Variants in DISC1 observed in about 807,000 individuals in gnomAD.
The protein encoded by DISC1 is disrupted in schizophrenia 1 protein.
A neutral mutation model predicts 84.5 loss-of-function variants in DISC1; 57 were observed. The ratio of observed to expected loss-of-function variants is 0.67; its 90% CI spans 0.55 to 0.84. The LOEUF (loss-of-function observed/expected upper bound fraction) is 0.84, where lower values mean the gene tolerates loss of function less well. Among genes scored for constraint, DISC1 ranks in the 40% least tolerant of loss-of-function variants. DISC1 has a pLI of 0.00. For missense variants in DISC1, 1,000 were observed against 1,057.8 expected (o/e 0.95, Z 0.76); for synonymous variants, 411 against 415.2 (o/e 0.99, Z 0.12).
chr1:231,937,852 A>G (rs1176460906), intron 9 of DISC1, among the ~76,000 whole-genome samples: 1 of 142,304 alleles, frequency 7.0e-6, no homozygotes, highest in Non-Finnish European at 1.5e-5. Context: ...ATCACAACTA[A>G]TCTTTTTTTT....
intron 9 of DISC1, among the ~76,000 whole-genome samples, chr1:231,855,967 G>A (rs1380493303): frequency 2.6e-5 from 4 of 152,362 alleles, no homozygotes; most frequent in South Asian, 2.1e-4. Context: ...GAACATGAAA[G>A]TCGTGGCTGC....
At chr1:231,680,360 G>T (rs1197692967) in intron 1 of DISC1, among the ~76,000 whole-genome samples, 1 of 152,120 alleles carries the variant, frequency 6.6e-6, no homozygotes, top group Non-Finnish European at 1.5e-5. Context: ...TATTATAAAT[G>T]CTTTCTTATA....
chr1:231,696,215 C>T (rs2065681160), intron 2 of DISC1, among the ~76,000 whole-genome samples: 1 of 152,324 alleles, frequency 6.6e-6, no homozygotes, highest in South Asian at 2.1e-4. Context: ...TGGCCGCTGC[C>T]CTGGCTCAGA....
At chr1:231,673,380 C>T (rs1167703267) in intron 1 of DISC1, among the ~76,000 whole-genome samples, 2 of 151,878 alleles carry the variant, frequency 1.3e-5, no homozygotes, top group African/African-American at 4.8e-5. Context: ...AGTGGCTATT[C>T]ATAGGTTTAT....
At chr1:231,794,716 T>C (rs962724) in intron 6 of DISC1, among the ~76,000 whole-genome samples, 145,285 of 152,204 alleles carry the variant, frequency 0.95, 69,599 homozygotes, top group East Asian at 1. Flanking sequence ...AAAAGTGCTA[T>C]GGAGAAAAGA....
At chr1:231,858,405 C>G (rs1044352964) in intron 9 of DISC1, among the ~76,000 whole-genome samples, 2 of 152,180 alleles carry the variant, frequency 1.3e-5, no homozygotes, top group Non-Finnish European at 2.9e-5. Context: ...GTGGATAAAA[C>G]CAGTTAATTT....
At chr1:231,996,850 A>G (rs952302355) in intron 10 of DISC1, among the ~76,000 whole-genome samples, 1 of 152,202 alleles carries the variant, frequency 6.6e-6, no homozygotes, top group Admixed American at 6.5e-5. Context: ...TGTATCTGCT[A>G]GCTGCCTCAT....
At chr1:231,886,605 T>C (rs1249033211) in intron 9 of DISC1, among the ~76,000 whole-genome samples, 1 of 152,188 alleles carries the variant, frequency 6.6e-6, no homozygotes, top group Non-Finnish European at 1.5e-5. Context: ...AAGGTTTTGT[T>C]ACTTTGTCCC....
Position 232,008,896 on chromosome 1 carries a change from T to C in DISC1, c.2154T>C (p.Asp718=), listed in dbSNP as rs1325133426. Residue 718 remains aspartate, a synonymous_variant, in exon 11 of 13, where the codon GAT becomes GAC. Coordinates refer to ENST00000439617, the MANE Select transcript of DISC1 (RefSeq NM_018662.3). ...CCAGGGGAAGCCTGTCTGTAGAAGA[T>C]GAGAGGCAGATGGATGACTTAGAGG... ...QEARGSLSVE[D]ERQMDDLEGA... The C allele has an allele frequency of 6.2e-6, 10 of 1,613,316 alleles. No homozygotes were observed. In the African/African-American group the frequency reaches 6.7e-5, roughly 11 times the overall value.
At chr1:231,634,798 C>T (rs778368945) in intron 1 of DISC1, among the ~76,000 whole-genome samples, 4 of 152,088 alleles carry the variant, frequency 2.6e-5, no homozygotes, top group Non-Finnish European at 5.9e-5. Context: ...ATAGTCCCAG[C>T]TCCTTGGAAG....
chr1:231,838,847 G>C (rs1409292907), intron 9 of DISC1, among the ~76,000 whole-genome samples: 1 of 152,204 alleles, frequency 6.6e-6, no homozygotes, highest in Non-Finnish European at 1.5e-5. Flanking sequence ...AGCCTTAGCT[G>C]TTCCTCAACT....
chr1:231,954,789 TCCCTGTC>T lies in DISC1; in HGVS notation c.1982-4038_1982-4032del, dbSNP rs1193625657. On this transcript the variant is annotated intron_variant, in intron 9 of 12. Coordinates refer to ENST00000439617, the MANE Select transcript of DISC1 (RefSeq NM_018662.3). This position sits in a 1 kb window ranked among gnomAD's most constrained non-coding sequence, Gnocchi z 4.8. ...TGATTCGGAAGTTTAAAATCTAAAC[TCCCTGTC>T]TACAGTCTTGGCCTGTCTTGAAGGT... Among the ~76,000 whole-genome samples the T allele has an allele frequency of 2.0e-5, 3 of 152,232 alleles. No individual in the cohort carries two copies. Among genetic ancestry groups the T allele is most frequent in the African/African-American group, 7.2e-5 (3 of 41,464 alleles).
At chr1:231,921,304 A>C (rs532876694) in intron 9 of DISC1, among the ~76,000 whole-genome samples, 2 of 152,074 alleles carry the variant, frequency 1.3e-5, no homozygotes, top group Non-Finnish European at 2.9e-5. Context: ...GACTTCCAAG[A>C]CTTCCAGCAC....
At chr1:231,728,958 A>G (rs2071140003) in intron 3 of DISC1, among the ~76,000 whole-genome samples, 1 of 152,084 alleles carries the variant, frequency 6.6e-6, no homozygotes, top group Non-Finnish European at 1.5e-5. Context: ...TCGTCATTTA[A>G]CATTAGGTAT....
chr1:231,968,727 C>T (rs532380878), intron 10 of DISC1, among the ~76,000 whole-genome samples: 4 of 152,092 alleles, frequency 2.6e-5, no homozygotes, highest in African/African-American at 7.2e-5. Flanking sequence ...TCCCTGTGGT[C>T]GATCTGGAAG....
intron 3 of DISC1, among the ~76,000 whole-genome samples, chr1:231,711,624 T>C (rs974275884): frequency 1.2e-4 from 18 of 151,916 alleles, no homozygotes; most frequent in African/African-American, 4.4e-4. Context: ...GACCTTGGCT[T>C]CCCAAAGTGC....
intron 12 of DISC1, among the ~76,000 whole-genome samples, chr1:232,027,158 C>G (rs1277641348): frequency 6.6e-6 from 1 of 152,208 alleles, no homozygotes; most frequent in Non-Finnish European, 1.5e-5. Flanking sequence ...AAATCCAGCT[C>G]TGTGTGGCCC....
intron 3 of DISC1, among the ~76,000 whole-genome samples, chr1:231,710,450 C>A (rs995503968): frequency 6.6e-6 from 1 of 152,342 alleles, no homozygotes; most frequent in Non-Finnish European, 1.5e-5. Context: ...CCCATTACAA[C>A]AATTTTAGGT....
intron 10 of DISC1, among the ~76,000 whole-genome samples, chr1:232,003,162 A>T (rs1243135641): frequency 6.6e-6 from 1 of 152,206 alleles, no homozygotes; most frequent in Non-Finnish European, 1.5e-5. Flanking sequence ...ATGAGAGTAC[A>T]TGGGTTAAAA....
Sources: allele counts gnomAD v4.1 joint callset (sites outside exome capture counted in the v4.1 genomes callset), GRCh38; gene constraint gnomAD v4.1.1; non-coding constraint Gnocchi (gnomAD v3.1); transcripts MANE v1.5; gene names NCBI Gene and HGNC (gene_info 2026-07-23, HGNC 2026-07-21).